Variants in IMMP2L observed in about 807,000 individuals in gnomAD.
IMMP2L encodes mitochondrial inner membrane protease subunit 2.
IMMP2L carries 18 observed loss-of-function variants against 19.3 expected under a neutral mutation model. The observed-to-expected ratio is 0.93, with a 90% CI of 0.64 to 1.38. The LOEUF (loss-of-function observed/expected upper bound fraction) is 1.38, where lower values mean the gene tolerates loss of function less well. IMMP2L is among the 40% of genes most tolerant of loss of function. The pLI, the probability that IMMP2L is intolerant of heterozygous loss-of-function variation, is 0.00. For synonymous variants in IMMP2L, 76 were observed against 73.0 expected (o/e 1.04, Z -0.21); for missense variants, 233 against 218.2 (o/e 1.07, Z -0.43).
At chr7:111,336,348 C>T (rs752729881) in intron 3 of IMMP2L, among the ~76,000 whole-genome samples, 6 of 151,906 alleles carry the variant, frequency 3.9e-5, no homozygotes, top group Non-Finnish European at 7.4e-5. Context: ...GCCACCACAC[C>T]AGGCCTTATT....
chr7:110,906,778 T>A (rs258992), intron 4 of IMMP2L, among the ~76,000 whole-genome samples: 2 of 151,888 alleles, frequency 1.3e-5, no homozygotes. Context: ...GTTAATATTG[T>A]AAAGTGCTTA....
intron 3 of IMMP2L, among the ~76,000 whole-genome samples, chr7:111,280,042 A>C (rs1228772266): frequency 6.6e-6 from 1 of 152,116 alleles, no homozygotes; most frequent in African/African-American, 2.4e-5. Context: ...TCTTTTAAAA[A>C]CAAGTCAACT....
chr7:110,979,593 T>C (rs964463899), intron 3 of IMMP2L, among the ~76,000 whole-genome samples: 1 of 152,076 alleles, frequency 6.6e-6, no homozygotes, highest in African/African-American at 2.4e-5. Context: ...GGCACATGTA[T>C]ACATATGTAA....
chr7:110,903,864 T>G (rs1256457668), intron 4 of IMMP2L, among the ~76,000 whole-genome samples: 1 of 152,182 alleles, frequency 6.6e-6, no homozygotes, highest in Admixed American at 6.5e-5. Context: ...GGGTTCCAAT[T>G]TCTCCACGCC....
chr7:111,443,469 G>A (rs1209142381), intron 3 of IMMP2L, among the ~76,000 whole-genome samples: 2 of 152,122 alleles, frequency 1.3e-5, no homozygotes, highest in Admixed American at 1.3e-4. Context: ...TTTCCAGAAT[G>A]CCTAGTAAGC....
Position 110,924,663 on chromosome 7 carries a change from A to G in IMMP2L, c.306-37968T>C, listed in dbSNP as rs1397814698. 1.3e-5 allele frequency among the ~76,000 whole-genome samples: 2 copies of G among 152,148 alleles called. No homozygotes were observed. Among genetic ancestry groups the G allele is most frequent in the African/African-American group, 2.4e-5 (1 of 41,444 alleles). On this transcript the variant is annotated intron_variant, in intron 4 of 5. Coordinates refer to ENST00000405709, the MANE Select transcript of IMMP2L (RefSeq NM_032549.4). This position sits in a 1 kb window ranked among gnomAD's most constrained non-coding sequence, Gnocchi z 4.2. The stretch of plus-strand genomic sequence containing the variant: ...TTTTTCTTCAAATAGCTTCTTTTTA[A>G]TACTTAAACACCAGTGCTGAGACTC...
At chr7:111,031,778 C>T (rs1228135033) in intron 3 of IMMP2L, among the ~76,000 whole-genome samples, 4 of 152,044 alleles carry the variant, frequency 2.6e-5, no homozygotes, top group African/African-American at 9.7e-5. Flanking sequence ...CTTTACAGTG[C>T]AGAAACCTGG....
intron 3 of IMMP2L, among the ~76,000 whole-genome samples, chr7:111,403,779 C>T (rs148368431): frequency 6.6e-6 from 1 of 152,162 alleles, no homozygotes; most frequent in African/African-American, 2.4e-5. Context: ...AAGTGAGGAT[C>T]CCTTTCTGTG....
chr7:110,747,153 A>G (rs1376218153), intron 5 of IMMP2L, among the ~76,000 whole-genome samples: 6 of 152,216 alleles, frequency 3.9e-5, no homozygotes, highest in African/African-American at 1.4e-4. Context: ...AATCTAGAAG[A>G]AATAGGTAAA....
intron 4 of IMMP2L, among the ~76,000 whole-genome samples, chr7:110,914,702 T>C (rs754543928): frequency 6.6e-6 from 1 of 152,200 alleles, no homozygotes; most frequent in Non-Finnish European, 1.5e-5. Context: ...CTTATTCTTC[T>C]CAATGCCTCA....
chr7:111,072,465 A>C (rs982069244), intron 3 of IMMP2L, among the ~76,000 whole-genome samples: 2 of 152,216 alleles, frequency 1.3e-5, no homozygotes, highest in Admixed American at 6.5e-5. Flanking sequence ...TGTAAACTGC[A>C]TTACTCTCAA....
At chr7:110,902,531 T>G (rs904221724) in intron 4 of IMMP2L, among the ~76,000 whole-genome samples, 3 of 149,576 alleles carry the variant, frequency 2.0e-5, no homozygotes, top group African/African-American at 7.5e-5. Context: ...GGAAAAACCC[T>G]GAGTTCTTTG....
At chr7:111,057,693 G>A (rs1793641347) in intron 3 of IMMP2L, among the ~76,000 whole-genome samples, 1 of 152,108 alleles carries the variant, frequency 6.6e-6, no homozygotes, top group Non-Finnish European at 1.5e-5. Context: ...ATGAGGAATA[G>A]GCCTAACCCT....
intron 3 of IMMP2L, among the ~76,000 whole-genome samples, chr7:111,091,883 CAG>C (rs760377175): frequency 2.0e-4 from 30 of 151,794 alleles, no homozygotes; most frequent in Non-Finnish European, 3.1e-4. Context: ...AGAGAGGAGA[CAG>C]AGAGGAGAGG....
intron 3 of IMMP2L, among the ~76,000 whole-genome samples, chr7:111,486,469 C>A (rs575241163): frequency 6.6e-6 from 1 of 152,136 alleles, no homozygotes; most frequent in African/African-American, 2.4e-5. Flanking sequence ...AACACTGCTA[C>A]CTTAATTGCT....
chr7:111,117,651 G>T (rs147594495), intron 3 of IMMP2L, among the ~76,000 whole-genome samples: 26 of 152,048 alleles, frequency 1.7e-4, no homozygotes, highest in African/African-American at 6.3e-4. Context: ...AATACCTCTG[G>T]GATATGGAAC....
chr7:111,510,766 CA>C (rs1845368945), intron 2 of IMMP2L, among the ~76,000 whole-genome samples: 1 of 152,242 alleles, frequency 6.6e-6, no homozygotes, highest in South Asian at 2.1e-4. Context: ...ACAGAAACCC[CA>C]AAAAGGCTTT....
At chr7:111,072,473 CA>C (rs1563213720) in intron 3 of IMMP2L, among the ~76,000 whole-genome samples, 1 of 151,362 alleles carries the variant, frequency 6.6e-6, no homozygotes, top group Non-Finnish European at 1.5e-5. Flanking sequence ...GCATTACTCT[CA>C]AAATGTGTAA....
At chr7:111,072,788 G>A (rs964953642) in intron 3 of IMMP2L, among the ~76,000 whole-genome samples, 8 of 151,930 alleles carry the variant, frequency 5.3e-5, no homozygotes, top group Non-Finnish European at 1.2e-4. Context: ...TCAGCTACTC[G>A]GGAGGCTGAG....
Sources: allele counts gnomAD v4.1 joint callset (sites outside exome capture counted in the v4.1 genomes callset), GRCh38; gene constraint gnomAD v4.1.1; non-coding constraint Gnocchi (gnomAD v3.1); transcripts MANE v1.5; gene names NCBI Gene and HGNC (gene_info 2026-07-23, HGNC 2026-07-21).